The following FGD6 variants were observed in gnomAD, a reference collection of about 807,000 sequenced individuals.
FGD6 encodes the protein FYVE, RhoGEF and PH domain containing 6.
FGD6 carries 90 observed loss-of-function variants against 149.4 expected under a neutral mutation model. The observed-to-expected ratio is 0.60, with a 90% confidence interval of 0.51 to 0.72. The LOEUF is 0.72. Ranked by LOEUF, FGD6 falls within the 30% of genes least tolerant of loss-of-function variation. The pLI is 0.00. For missense variants in FGD6, 1,437 were observed against 1,684.8 expected, an observed-to-expected ratio of 0.85 and a Z score of 2.57; for synonymous variants, 527 against 584.0, an observed-to-expected ratio of 0.90 and a Z score of 1.41.
intron 2 of FGD6, among the ~76,000 whole-genome samples, chr12:95,193,282 G>T (rs1881641287): frequency 6.6e-6 from 1 of 151,772 alleles, no homozygotes; most frequent in African/African-American, 2.4e-5. Flanking sequence ...CTAATATTTA[G>T]CAATACTTAG....
At chr12:95,095,153 T>G (rs972190101) in intron 14 of FGD6, among the ~76,000 whole-genome samples, 11 of 152,202 alleles carry the variant, frequency 7.2e-5, no homozygotes, top group Admixed American at 5.2e-4. Context: ...ACTAAAATTT[T>G]CTAGGAAGGG....
At chr12:95,139,484 T>TTG (rs1879778836) in intron 6 of FGD6, among the ~76,000 whole-genome samples, 2 of 150,560 alleles carry the variant, frequency 1.3e-5, no homozygotes, top group African/African-American at 2.4e-5. Flanking sequence ...TTTTTTTTTT[T>TTG]AACTTAAGAA....
Position 95,094,594 on chromosome 12 carries a change from C to T in FGD6, c.3598G>A (p.Glu1200Lys), listed in dbSNP as rs367637620. The change falls in exon 15 of 21, where the codon GAG (glutamate) becomes AAG (lysine). Residue 1200 changes from glutamate (E) to lysine (K), a missense_variant and splice_region_variant. This residue lies in a region of FGD6 where 382 missense variants were observed against 538.7 expected (regional missense o/e 0.71). Transcript: ENST00000343958. ...ITFCPSRSLD[E>K]ADSENKEEVS... The stretch of plus-strand genomic sequence containing the variant: ...AAAAAAAAAGGAGAAAACAATACCT[C>T]ATCAAGACTCCTACTAGGACAGAAG... The T allele has an allele frequency of 1.3e-6, 2 of 1,586,948 alleles. No individual in the cohort carries two copies. The highest frequency in any genetic ancestry group is 1.7e-6 in the Non-Finnish European group (2 of 1,163,748).
chr12:95,132,244 G>A (rs192801468), intron 8 of FGD6, among the ~76,000 whole-genome samples: 13 of 152,168 alleles, frequency 8.5e-5, no homozygotes, highest in Admixed American at 3.3e-4. Context: ...TCAAATTCCC[G>A]GGCTCAAGCA....
At chr12:95,180,900 T>A (rs1197729893) in intron 2 of FGD6, among the ~76,000 whole-genome samples, 1 of 152,084 alleles carries the variant, frequency 6.6e-6, no homozygotes, top group Non-Finnish European at 1.5e-5. Flanking sequence ...CTTCCCAGGA[T>A]GATGAGATTA....
intron 8 of FGD6, among the ~76,000 whole-genome samples, chr12:95,120,084 C>A (rs1272863684): frequency 6.6e-6 from 1 of 151,644 alleles, no homozygotes; most frequent in East Asian, 2.0e-4. Context: ...CAAAAGTTAG[C>A]CGGGTGTGGT....
intron 2 of FGD6, among the ~76,000 whole-genome samples, chr12:95,202,848 A>G (rs1474928278): frequency 6.6e-6 from 1 of 152,234 alleles, no homozygotes. Flanking sequence ...ACACAAAGTT[A>G]AAGAGGCATA....
rs7971041 is a variant in FGD6 at position 95,132,243 on chromosome 12, C to A, written c.3082+2496G>T. 2.6e-5 allele frequency among the ~76,000 whole-genome samples: 4 copies of A among 151,964 alleles called. No individual in the cohort carries two copies. In the East Asian group the frequency reaches 7.8e-4, roughly 30 times the overall value. On this transcript the variant is annotated intron_variant, in intron 8 of 20. Transcript: ENST00000343958. ...ATGGCTCACTGTAGCCTCAAATTCC[C>A]GGGCTCAAGCAATCCTCCCGGCTCA...
intron 7 of FGD6, among the ~76,000 whole-genome samples, chr12:95,136,965 G>GT (rs1355379661): frequency 6.6e-6 from 1 of 152,158 alleles, no homozygotes; most frequent in African/African-American, 2.4e-5. Flanking sequence ...TTTTACCACA[G>GT]TTTAAAAAGT....
Position 95,209,335 on chromosome 12 carries a change from T to C in FGD6, c.1949A>G (p.Lys650Arg). The part of the protein sequence containing the change: ...MKSDFQKFWS[K>R]SSQLGDTTTG... ...GGTGGTGTCTCCGAGTTGGCTACTC[T>C]TGGACCAAAATTTTTGAAAGTCACT... The change falls in exon 2 of 21, where the codon AAG (lysine) becomes AGG (arginine). Residue 650 changes from lysine to arginine, a missense_variant. Around this residue, in one of 2 missense-constraint regions of FGD6, gnomAD observed 1,055 missense variants for 1,146.0 expected, o/e 0.92. Coordinates refer to ENST00000343958, the MANE Select transcript of FGD6 (RefSeq NM_018351.4). 1 of 1,613,060 alleles carries C rather than the reference T, an allele frequency of 6.2e-7. No homozygotes were observed. The highest frequency in any genetic ancestry group is 1.1e-5 in the South Asian group (1 of 90,936).
At chr12:95,114,493 CGTCAG>C (rs1878946147) in intron 8 of FGD6, among the ~76,000 whole-genome samples, 4 of 142,918 alleles carry the variant, frequency 2.8e-5, no homozygotes, top group Admixed American at 6.9e-5. Context: ...CACACACACA[CGTCAG>C]ACGTGCTGCT....
intron 8 of FGD6, among the ~76,000 whole-genome samples, chr12:95,114,762 C>T (rs1878956127): frequency 6.6e-6 from 1 of 152,110 alleles, no homozygotes; most frequent in Non-Finnish European, 1.5e-5. Flanking sequence ...GATGGCCTCC[C>T]ATTACCTGTT....
intron 19 of FGD6, 110 bp downstream of exon 19, chr12:95,085,670 A>C (rs1319815272): frequency 4.5e-6 from 6 of 1,333,476 alleles, no homozygotes; most frequent in Middle Eastern, 2.8e-4. Flanking sequence ...CCCATCCAAA[A>C]GCAAAGCAAA....
intron 4 of FGD6, 25 bp from the exon 5 acceptor site, chr12:95,152,866 A>T (rs767975869): frequency 6.2e-6 from 10 of 1,613,814 alleles, no homozygotes; most frequent in Non-Finnish European, 8.5e-6. Context: ...AATGAAAAAA[A>T]TGTTTTAAAT....
intron 3 of FGD6, among the ~76,000 whole-genome samples, chr12:95,168,463 A>C (rs1044540735): frequency 2.0e-5 from 3 of 152,202 alleles, no homozygotes; most frequent in Non-Finnish European, 4.4e-5. Flanking sequence ...CAGGAGTTTG[A>C]GACCAGCGTG....
chr12:95,149,330 A>ATATTATATAATATATAGC (rs763461779), intron 5 of FGD6, among the ~76,000 whole-genome samples: 3 of 90,556 alleles, frequency 3.3e-5, no homozygotes, highest in Non-Finnish European at 4.0e-5. Flanking sequence ...TATATTATAT[A>ATATTATATAATATATAGC]ATATATTATA....
At chr12:95,128,744 A>G (rs543453112) in intron 8 of FGD6, among the ~76,000 whole-genome samples, 17 of 152,334 alleles carry the variant, frequency 1.1e-4, no homozygotes, top group Admixed American at 8.5e-4. Context: ...AGGGGCCACC[A>G]CTGGGTTGTC....
Position 95,137,697 on chromosome 12 carries a change from T to C in FGD6, c.2838-19A>G. The C allele has an allele frequency of 1.3e-6, 2 of 1,528,762 alleles. No individual in the cohort carries two copies. The highest frequency in any genetic ancestry group is 1.8e-6 in the Non-Finnish European group (2 of 1,137,184). The allele number at this position is 1,528,762 out of a possible 1,614,324, so 94.7% of individuals were successfully genotyped here. ...TTCAGTCCTATGGATAGAGAAGAGATACACAAAAAAATATAAAGAGAGATT... is the reference window on the plus strand; with the variant it reads ...TTCAGTCCTATGGATAGAGAAGAGACACACAAAAAAATATAAAGAGAGATT... On this transcript the variant is annotated intron_variant, in intron 6 of 20. Transcript: ENST00000343958.
chr12:95,155,965 A>C (rs954963259), intron 3 of FGD6, among the ~76,000 whole-genome samples: 6 of 152,152 alleles, frequency 3.9e-5, no homozygotes, highest in Non-Finnish European at 5.9e-5. Flanking sequence ...GATTTCATGG[A>C]CACTTATCAC....
Sources: allele counts gnomAD v4.1 joint callset (sites outside exome capture counted in the v4.1 genomes callset), GRCh38; gene constraint gnomAD v4.1.1; regional missense constraint gnomAD v4.1.1; transcripts MANE v1.5; gene names NCBI Gene and HGNC (gene_info 2026-07-23, HGNC 2026-07-21).